CRISP2: variants seen among roughly 807,000 people sequenced by gnomAD.
The protein encoded by CRISP2 is cysteine rich secretory protein 2.
Under a neutral mutation model 31.7 loss-of-function variants are expected in CRISP2, and 29 were observed. That is an observed-to-expected ratio of 0.92 (90% CI 0.68 to 1.25). CRISP2 has a LOEUF of 1.25. Among genes scored for constraint, CRISP2 ranks in the 50% most tolerant of loss-of-function variants. The pLI, the probability that CRISP2 is intolerant of heterozygous loss-of-function variation, is 0.00. For synonymous variants in CRISP2, 111 were observed against 101.4 expected (o/e 1.09, Z -0.57); for missense variants, 318 against 286.5 (o/e 1.11, Z -0.79).
chr6:49,697,820 G>T (rs1412621073), intron 8 of CRISP2, 40 bp downstream of exon 8: 6 of 1,602,136 alleles, frequency 3.7e-6, no homozygotes, highest in Non-Finnish European at 4.3e-6. Flanking sequence ...ATAAATTGCA[G>T]ATAGAATTAT....
rs1165518459 is a variant in CRISP2 at position 49,701,500 on chromosome 6, G to GTATATATATATA, written c.67-728_67-717dup. On this transcript the variant is annotated intron_variant, in intron 4 of 9. Transcript: ENST00000339139. ...AGCAGTATTACGTGTGTGTGTGTGT[G>GTATATATATATA]TATATATATATATATATATATATAT... Among the ~76,000 whole-genome samples, 73 of 46,528 alleles carry GTATATATATATA rather than the reference G, an allele frequency of 1.6e-3. 2 individuals carry two copies. Among genetic ancestry groups the GTATATATATATA allele is most frequent in the African/African-American group, 7.1e-3 (69 of 9,718 alleles). The allele number at this position is 46,528 out of a possible 152,430, so 30.5% of individuals were successfully genotyped here. A position where few individuals can be genotyped will look rare whatever the true frequency, so the allele number is the denominator to read the frequency against.
At chr6:49,690,046 T>A (rs991432239), downstream of CRISP2, among the ~76,000 whole-genome samples, 1 of 152,204 alleles carries the variant, frequency 6.6e-6, no homozygotes, top group African/African-American at 2.4e-5. Context: ...AACTTGCATT[T>A]GGAACATAGT....
At chr6:49,698,933 T>G (rs529739258) in intron 6 of CRISP2, among the ~76,000 whole-genome samples, 51 of 152,094 alleles carry the variant, frequency 3.4e-4, no homozygotes, top group African/African-American at 1.0e-3. Context: ...GTGTGAAATC[T>G]GAAAAAAAGA....
chr6:49,683,764 A>G, the CRISP2 span, among the ~76,000 whole-genome samples: 1 of 137,582 alleles, frequency 7.3e-6, no homozygotes, highest in Non-Finnish European at 1.6e-5. Flanking sequence ...TTATAAAGAC[A>G]TATTCTAAGC....
chr6:49,699,450 T>C (rs1765297224), intron 6 of CRISP2, among the ~76,000 whole-genome samples: 1 of 151,224 alleles, frequency 6.6e-6, no homozygotes, highest in South Asian at 2.1e-4. Flanking sequence ...TCAGAAAGCT[T>C]GGTTAAAAAT....
intron 1 of CRISP2, 132 bp from the exon 2 acceptor site, chr6:49,712,736 T>TAA (rs1768252216): frequency 6.6e-6 from 1 of 152,344 alleles, no homozygotes; most frequent in African/African-American, 2.4e-5. Context: ...TTACTGTATT[T>TAA]ATTTGATTTC....
downstream of CRISP2, among the ~76,000 whole-genome samples, chr6:49,688,835 G>A (rs1172812278): frequency 1.3e-5 from 2 of 152,152 alleles, no homozygotes; most frequent in South Asian, 2.1e-4. Flanking sequence ...AACACTAGCT[G>A]TACACCCTAG....
At chr6:49,713,754 GAA>G (rs1027660728), upstream of CRISP2, among the ~76,000 whole-genome samples, 1 of 152,200 alleles carries the variant, frequency 6.6e-6, no homozygotes, top group Non-Finnish European at 1.5e-5. Context: ...GATGAGGAAA[GAA>G]AATGTCTGTT....
downstream of CRISP2, among the ~76,000 whole-genome samples, chr6:49,690,909 G>C (rs147806860): frequency 2.4e-3 from 360 of 151,058 alleles, no homozygotes; most frequent in Non-Finnish European, 2.3e-3. Flanking sequence ...TGTTTTGAGT[G>C]TAACTCTTAA....
At chr6:49,709,246 T>C in intron 3 of CRISP2, 41 bp from the exon 4 acceptor site, 2 of 1,565,816 alleles carry the variant, frequency 1.3e-6, no homozygotes, top group South Asian at 1.1e-5. Flanking sequence ...AAATATGTAG[T>C]TTAAAAAACT....
downstream of CRISP2, among the ~76,000 whole-genome samples, chr6:49,692,077 G>T (rs181209255): frequency 2.6e-5 from 4 of 151,860 alleles, no homozygotes; most frequent in East Asian, 7.7e-4. Flanking sequence ...TCCTCTTTTC[G>T]TTGGCTTTAA....
downstream of CRISP2, among the ~76,000 whole-genome samples, chr6:49,687,503 C>G (rs1320072556): frequency 1.3e-5 from 2 of 152,166 alleles, no homozygotes; most frequent in East Asian, 1.9e-4. Flanking sequence ...TATGCAGAAA[C>G]TTTTCATTCC....
At chr6:49,698,001 A>G in intron 7 of CRISP2, 44 bp from the exon 8 acceptor site, 1 of 1,409,524 alleles carries the variant, frequency 7.1e-7, no homozygotes, top group Admixed American at 2.3e-5. Context: ...TACATTAGAG[A>G]AGATGAAAAA....
In CRISP2 at chr6:49,710,607, GC is replaced by G. The variant is rs538015687; in HGVS notation, c.-10+677del. Among the ~76,000 whole-genome samples, 631 of 152,138 alleles carry G rather than the reference GC, an allele frequency of 4.1e-3. 2 individuals carry two copies. Among genetic ancestry groups the G allele is most frequent in the Admixed American group, 5.8e-3 (89 of 15,282 alleles). The stretch of plus-strand genomic sequence containing the variant: ...CCAGCTTATACAATATACTTAAACA[GC>G]CATACTTTTCCATTTTCCTATTAAA... On this transcript the variant is annotated intron_variant, in intron 3 of 9. Transcript: ENST00000339139.
the CRISP2 span, among the ~76,000 whole-genome samples, chr6:49,686,509 T>C: frequency 5.9e-4 from 90 of 152,262 alleles, 3 homozygotes; most frequent in South Asian, 0.018. Context: ...TGAGATACCA[T>C]CTCACACAAG....
intron 7 of CRISP2, 68 bp downstream of exon 7, chr6:49,698,294 C>G: frequency 2.0e-6 from 3 of 1,537,794 alleles, no homozygotes; most frequent in Non-Finnish European, 2.7e-6. Flanking sequence ...TTACAGTGGT[C>G]ATAATTTGGA....
rs1247425375 is a variant in CRISP2 at position 49,709,061 on chromosome 6, C to T, written c.66+70G>A. 4 of 1,365,794 alleles carry T rather than the reference C, an allele frequency of 2.9e-6. No homozygotes were observed. In the African/African-American group the frequency reaches 5.7e-5, roughly 20 times the overall value. 84.6% of individuals were successfully genotyped at this position (1,365,794 alleles called of 1,614,324 possible). ...TACCAAACTCTCTTACCCCCCTTTA[C>T]TTTCAGAATAGCCTGCCATACCACA... On this transcript the variant is annotated intron_variant, in intron 4 of 9. Coordinates refer to ENST00000339139, the MANE Select transcript of CRISP2 (RefSeq NM_003296.4).
At chr6:49,713,876 T>A (rs1768440869), upstream of CRISP2, among the ~76,000 whole-genome samples, 1 of 152,210 alleles carries the variant, frequency 6.6e-6, no homozygotes, top group Non-Finnish European at 1.5e-5. Flanking sequence ...AATGCCTGAA[T>A]TAATGTAGTT....
intron 4 of CRISP2, among the ~76,000 whole-genome samples, chr6:49,701,720 T>TATACATTATGTATAC (rs1491136879): frequency 1.8e-5 from 2 of 110,240 alleles, no homozygotes; most frequent in African/African-American, 7.4e-5. Flanking sequence ...ATATATAATG[T>TATACATTATGTATAC]ATATATAATG....
Sources: gnomAD v4.1 joint callset for allele counts (sites outside exome capture counted in the v4.1 genomes callset) on GRCh38, gnomAD v4.1.1 for gene constraint, MANE v1.5 for transcripts, NCBI Gene and HGNC (gene_info 2026-07-23, HGNC 2026-07-21) for gene names.